The following KSR2 variants were observed in gnomAD, a reference collection of about 807,000 sequenced individuals.
The protein encoded by KSR2 is kinase suppressor of ras 2.
Under a neutral mutation model 107.8 loss-of-function variants are expected in KSR2, and 25 were observed. The ratio of observed to expected loss-of-function variants is 0.23; its 90% CI spans 0.17 to 0.32. The LOEUF is 0.32. Among genes scored for constraint, KSR2 ranks in the 10% least tolerant of loss-of-function variants. The probability of loss-of-function intolerance (pLI) is 1.00; values close to 1 mark genes in which losing one functional copy is unlikely to be tolerated. For synonymous variants in KSR2, 480 were observed against 507.0 expected, an observed-to-expected ratio of 0.95 and a Z score of 0.71; for missense variants, 887 against 1,268.9, an observed-to-expected ratio of 0.70 and a Z score of 4.57.
intron 13 of KSR2, among the ~76,000 whole-genome samples, chr12:117,526,732 C>A (rs1179901789): frequency 2.6e-5 from 4 of 152,172 alleles, no homozygotes; most frequent in African/African-American, 9.7e-5. Context: ...ATCCCTGAGG[C>A]CCCCACCTCT....
At chr12:117,668,594 A>G (rs1178585180) in intron 4 of KSR2, among the ~76,000 whole-genome samples, 3 of 152,096 alleles carry the variant, frequency 2.0e-5, no homozygotes, top group Admixed American at 6.5e-5. Flanking sequence ...GATTCAAATA[A>G]CTGGTCTCAC....
rs369540903 is a variant in KSR2, at chr12:117,626,038, C to T, written c.1171+41436G>A. 3.0e-3 allele frequency among the ~76,000 whole-genome samples: 454 copies of T among 152,248 alleles called. 1 individual carries two copies. The highest frequency in any genetic ancestry group is 0.01 in the African/African-American group (430 of 41,548). ...ATGGTAGTTTGTATTTCTGTGGGAT[C>T]GGTGGTGATATCCCCTTTATCACTT... is the stretch of plus-strand genomic sequence containing the variant. On this transcript the variant is annotated intron_variant, in intron 5 of 19. Transcript: ENST00000339824.
intron 7 of KSR2, among the ~76,000 whole-genome samples, chr12:117,567,436 G>A (rs902562722): frequency 4.6e-5 from 7 of 151,750 alleles, no homozygotes; most frequent in South Asian, 2.1e-4. Flanking sequence ...CAAACATGGC[G>A]CGCGGTCTCG....
chr12:117,919,007 C>T (rs1038239926), intron 1 of KSR2, among the ~76,000 whole-genome samples: 4 of 151,712 alleles, frequency 2.6e-5, no homozygotes, highest in East Asian at 2.0e-4. Flanking sequence ...TGGTGGTGCA[C>T]GCTGTAGTAG....
At chr12:117,712,102 C>A (rs372067938) in intron 4 of KSR2, among the ~76,000 whole-genome samples, 2 of 152,174 alleles carry the variant, frequency 1.3e-5, no homozygotes, top group Non-Finnish European at 2.9e-5. Flanking sequence ...ATGTCTCACT[C>A]CCATGTTAGC....
chr12:117,701,200 C>A (rs1175519844), intron 4 of KSR2, among the ~76,000 whole-genome samples: 1 of 152,140 alleles, frequency 6.6e-6, no homozygotes, highest in Admixed American at 6.6e-5. Flanking sequence ...GGGATGGATT[C>A]TCCTGCCTCA....
intron 13 of KSR2, 61 bp from the exon 14 acceptor site, chr12:117,525,280 G>T: frequency 6.7e-7 from 1 of 1,489,590 alleles, no homozygotes. Flanking sequence ...CCTCCCTCAT[G>T]GTCCTGCTGG....
Position 117,465,413 on chromosome 12 carries a change from A to C in KSR2, c.*1786T>G, listed in dbSNP as rs925462230. ...AGTCCTCTAGTCCCAGTAAGCTGGGAGTGTTGGAAAGGCAATTCAGGAGGG... is the reference window on the plus strand; with the variant it reads ...AGTCCTCTAGTCCCAGTAAGCTGGGCGTGTTGGAAAGGCAATTCAGGAGGG... On this transcript the variant is annotated 3_prime_UTR_variant, in exon 20 of 20. Coordinates refer to ENST00000339824, the MANE Select transcript of KSR2 (RefSeq NM_173598.6). 1 of 152,112 alleles carries C rather than the reference A, an allele frequency of 6.6e-6. No homozygotes were observed. The highest frequency in any genetic ancestry group is 1.5e-5 in the Non-Finnish European group (1 of 68,050). 9.4% of individuals were successfully genotyped at this position (152,112 alleles called of 1,614,324 possible).
intron 3 of KSR2, among the ~76,000 whole-genome samples, chr12:117,774,449 G>GTAGA (rs1363572203): frequency 1.3e-5 from 2 of 152,154 alleles, no homozygotes; most frequent in African/African-American, 2.4e-5. Context: ...ATGTCCCCAG[G>GTAGA]TAGAACCAAA....
chr12:117,739,010 T>C (rs1312146140), intron 4 of KSR2, among the ~76,000 whole-genome samples: 1 of 152,204 alleles, frequency 6.6e-6, no homozygotes, highest in Non-Finnish European at 1.5e-5. Flanking sequence ...CTGTACACTA[T>C]TGTAGACTTT....
rs55772468 is a variant in KSR2 at position 117,686,215 on chromosome 12, A to ATTTTTTTTTTTTTTTTTT, written c.987-18575_987-18558dup. Reference sequence around the variant, plus strand: ...AGGCACACACCACCACACCCAGCTAATTTTTTTTTTTTTTTTTTTTTTTTT... The same window carrying ATTTTTTTTTTTTTTTTTT: ...AGGCACACACCACCACACCCAGCTAATTTTTTTTTTTTTTTTTTTTTTTTTTTTTTTTTTTTTTTTTTT... On this transcript the variant is annotated intron_variant, in intron 4 of 19. Transcript: ENST00000339824. 2.4e-4 allele frequency among the ~76,000 whole-genome samples: 19 copies of ATTTTTTTTTTTTTTTTTT among 78,038 alleles called. 1 individual carries two copies. Among genetic ancestry groups the ATTTTTTTTTTTTTTTTTT allele is most frequent in the African/African-American group, 1.0e-3 (15 of 14,702 alleles). 51.2% of individuals were successfully genotyped at this position (78,038 alleles called of 152,430 possible). A position where few individuals can be genotyped will look rare whatever the true frequency, so the allele number is the denominator to read the frequency against.
Position 117,801,562 on chromosome 12 carries a change from G to A in KSR2, c.473-40038C>T, listed in dbSNP as rs1890834190. On this transcript the variant is annotated intron_variant, in intron 3 of 19. Transcript: ENST00000339824. ...AGGAAACTTACAATCCTAGCAGAAG[G>A]CAAAGAGAGAGCCAGCACTTCACAT... Among the ~76,000 whole-genome samples, 3 of 152,152 alleles carry A rather than the reference G, an allele frequency of 2.0e-5. 1 individual carries two copies. The South Asian group carries it at 6.2e-4, about 31-fold the overall frequency.
intron 3 of KSR2, among the ~76,000 whole-genome samples, chr12:117,839,400 G>A (rs941674265): frequency 6.6e-6 from 1 of 152,146 alleles, no homozygotes; most frequent in Non-Finnish European, 1.5e-5. Flanking sequence ...GGGTACCATG[G>A]TTCACCCCTC....
At chr12:117,704,587 G>A (rs115390233) in intron 4 of KSR2, among the ~76,000 whole-genome samples, 170 of 152,110 alleles carry the variant, frequency 1.1e-3, no homozygotes, top group Middle Eastern at 3.4e-3. Context: ...GGCCAGGTGC[G>A]GTGGCTCACA....
intron 4 of KSR2, among the ~76,000 whole-genome samples, chr12:117,714,545 C>A (rs1423666659): frequency 6.6e-6 from 1 of 152,190 alleles, no homozygotes; most frequent in Non-Finnish European, 1.5e-5. Context: ...ATCTTTACCA[C>A]AACCTTTGAA....
At chr12:117,915,266 T>C (rs1055204848) in intron 1 of KSR2, among the ~76,000 whole-genome samples, 1 of 151,980 alleles carries the variant, frequency 6.6e-6, no homozygotes, top group Non-Finnish European at 1.5e-5. Flanking sequence ...CTGGAGAGGG[T>C]CCCCCTCACA....
At position 117,579,038 on chromosome 12, in the gene KSR2, C is replaced by T. The variant is rs553500536; in HGVS notation, c.1325+81G>A. Reference sequence around the variant, plus strand: ...CTCCCAAGAGTGAAGAAATCAAACTCCCAAAGGCTGTTCAGTGCCCTGCAT... The same window carrying T: ...CTCCCAAGAGTGAAGAAATCAAACTTCCAAAGGCTGTTCAGTGCCCTGCAT... On this transcript the variant is annotated intron_variant, in intron 7 of 19. Coordinates refer to ENST00000339824, the MANE Select transcript of KSR2 (RefSeq NM_173598.6). 1.7e-4 allele frequency: 169 copies of T among 990,586 alleles called. 1 individual carries two copies. In the African/African-American group the frequency reaches 2.6e-3, roughly 15 times the overall value. The allele number at this position is 990,586 out of a possible 1,614,324, so 61.4% of individuals were successfully genotyped here.
chr12:117,835,095 GA>G (rs1209450276), intron 3 of KSR2, among the ~76,000 whole-genome samples: 4 of 152,184 alleles, frequency 2.6e-5, no homozygotes, highest in African/African-American at 9.6e-5. Flanking sequence ...GCATTTGGCA[GA>G]CCAAGACACC....
At chr12:117,599,703 G>A (rs1355256136) in intron 5 of KSR2, among the ~76,000 whole-genome samples, 1 of 151,960 alleles carries the variant, frequency 6.6e-6, no homozygotes, top group Non-Finnish European at 1.5e-5. Flanking sequence ...TGGGGGTGGA[G>A]AGGCAACATT....
Sources: allele counts gnomAD v4.1 joint callset (sites outside exome capture counted in the v4.1 genomes callset), GRCh38; gene constraint gnomAD v4.1.1; transcripts MANE v1.5; gene names NCBI Gene and HGNC (gene_info 2026-07-23, HGNC 2026-07-21).